Variants in CALCRL observed in about 807,000 individuals in gnomAD.
The protein encoded by CALCRL is calcitonin gene-related peptide type 1 receptor.
Under a neutral mutation model 60.4 loss-of-function variants are expected in CALCRL, and 27 were observed. The observed-to-expected ratio is 0.45, with a 90% CI of 0.33 to 0.62. The LOEUF (loss-of-function observed/expected upper bound fraction) is 0.62. CALCRL is among the 20% of genes least tolerant of loss of function. The pLI, the probability that CALCRL is intolerant of heterozygous loss-of-function variation, is 0.03. For missense variants in CALCRL, 424 were observed against 540.7 expected, an observed-to-expected ratio of 0.78 and a Z score of 2.14; for synonymous variants, 190 against 182.6, an observed-to-expected ratio of 1.04 and a Z score of -0.33.
intron 1 of CALCRL, among the ~76,000 whole-genome samples, chr2:187,400,616 G>A (rs1688848293): frequency 1.3e-5 from 2 of 151,198 alleles, no homozygotes; most frequent in Non-Finnish European, 3.0e-5. Context: ...TTAAAAAATG[G>A]AAACAGCTCA....
intron 8 of CALCRL, among the ~76,000 whole-genome samples, chr2:187,377,325 G>A (rs1050925449): frequency 1.3e-5 from 2 of 152,016 alleles, no homozygotes; most frequent in Non-Finnish European, 2.9e-5. Context: ...TAGATTAGAA[G>A]GGTTTCAAAA....
At chr2:187,377,350 G>A (rs1285935678) in intron 8 of CALCRL, among the ~76,000 whole-genome samples, 1 of 152,046 alleles carries the variant, frequency 6.6e-6, no homozygotes, top group Admixed American at 6.6e-5. Flanking sequence ...AAGTTCACAG[G>A]TTATAAGGAA....
intron 9 of CALCRL, among the ~76,000 whole-genome samples, chr2:187,362,390 T>C (rs185440563): frequency 2.3e-3 from 343 of 152,110 alleles, no homozygotes; most frequent in Non-Finnish European, 3.5e-3. Context: ...GTGGAACATA[T>C]ACAAGATTAA....
chr2:187,360,663 G>A lies in CALCRL; in HGVS notation c.716C>T (p.Thr239Ile). 1 of 1,612,736 alleles carries A rather than the reference G, an allele frequency of 6.2e-7. No individual in the cohort carries two copies. The highest frequency in any genetic ancestry group is 8.5e-7 in the Non-Finnish European group (1 of 1,179,164). The change falls in exon 10 of 15, where the codon ACA becomes ATA. Residue 239 changes from threonine (T) to isoleucine (I), a missense_variant. Physicochemically the swap from Thr to Ile is moderately conservative, Grantham distance 89 (BLOSUM62 -1). Around this residue, in one of 7 missense-constraint regions of CALCRL, gnomAD observed 222 missense variants for 265.6 expected, o/e 0.84. Coordinates refer to ENST00000392370, the MANE Select transcript of CALCRL (RefSeq NM_005795.6). ...TGCAAACACGGCCACCACAATGAGT[G>A]TGTGTAGGTAAATGCCTTCACAGAG... Reference protein sequence around the residue: ...WMLCEGIYLHTLIVVAVFAEK... With the variant: ...WMLCEGIYLHILIVVAVFAEK...
intron 1 of CALCRL, among the ~76,000 whole-genome samples, chr2:187,432,945 T>A (rs369633100): frequency 1.5e-3 from 230 of 152,152 alleles, no homozygotes; most frequent in African/African-American, 5.3e-3. Flanking sequence ...GCAATAAGCT[T>A]CACCATACAG....
chr2:187,353,346 TTAA>T (rs1328263391), intron 12 of CALCRL, among the ~76,000 whole-genome samples: 1 of 151,942 alleles, frequency 6.6e-6, no homozygotes, highest in Non-Finnish European at 1.5e-5. Context: ...TGCCCTTTGT[TTAA>T]TAATCTTAAA....
rs201472047 is a variant in CALCRL, at chr2:187,385,582, C to T, written c.14G>A (p.Cys5Tyr). 6.4e-6 allele frequency: 10 copies of T among 1,563,946 alleles called. No individual in the cohort carries two copies. In the East Asian group the frequency reaches 1.6e-4, roughly 25 times the overall value. MEKK[C>Y]TLYFLVLLPF... ...CAAGAGAACCAGAAAATACAGGGTACACTTTTTCTCCATCATTAAGCCAAA... is the reference window on the plus strand; with the variant it reads ...CAAGAGAACCAGAAAATACAGGGTATACTTTTTCTCCATCATTAAGCCAAA... The change falls in exon 4 of 15, where the codon TGT becomes TAT. Residue 5 changes from cysteine (C) to tyrosine (Y), a missense_variant. Coordinates refer to ENST00000392370, the MANE Select transcript of CALCRL (RefSeq NM_005795.6).
chr2:187,392,474 C>A (rs531221853), intron 1 of CALCRL, among the ~76,000 whole-genome samples: 2 of 152,232 alleles, frequency 1.3e-5, no homozygotes, highest in South Asian at 4.1e-4. Context: ...AAACAAGCTA[C>A]ATATCTCTTG....
rs959184571 is a variant in CALCRL at position 187,376,758 on chromosome 2, C to G, written c.500+2182G>C. On this transcript the variant is annotated intron_variant, in intron 8 of 14. Transcript: ENST00000392370. ...GAATTCTAGAAACCATTGTCCTTCCCTGTAGCCACTGGTTTTGACAGGCAA... is the reference window on the plus strand; with the variant it reads ...GAATTCTAGAAACCATTGTCCTTCCGTGTAGCCACTGGTTTTGACAGGCAA... Among the ~76,000 whole-genome samples, 3 of 152,062 alleles carry G rather than the reference C, an allele frequency of 2.0e-5. No individual in the cohort carries two copies. The South Asian group carries it at 6.2e-4, about 31-fold the overall frequency.
chr2:187,391,250 T>A (rs182200956), intron 1 of CALCRL, among the ~76,000 whole-genome samples: 1 of 152,212 alleles, frequency 6.6e-6, no homozygotes, highest in Admixed American at 6.6e-5. Flanking sequence ...TTTAGCTTTT[T>A]CTAAATATAT....
chr2:187,351,482 G>A (rs13403333), intron 14 of CALCRL, among the ~76,000 whole-genome samples: 16,207 of 151,476 alleles, frequency 0.11, 2,212 homozygotes, highest in African/African-American at 0.32. Flanking sequence ...AAATCCTTTC[G>A]TATTTGCCAT....
rs764946776 is a variant in CALCRL at position 187,380,732 on chromosome 2, T to C, written c.240A>G (p.Ala80=). Residue 80 remains alanine (A), a synonymous_variant, in exon 6 of 15, where the codon GCA becomes GCG. Coordinates refer to ENST00000392370, the MANE Select transcript of CALCRL (RefSeq NM_005795.6). ...DGWLCWNDVA[A]GTESMQLCPD... The stretch of plus-strand genomic sequence containing the variant: ...GGCAGAGCTGCATTGATTCAGTTCC[T>C]GCTGCAACATCGTTCCAGCAGAGCC... The C allele has an allele frequency of 2.5e-6, 4 of 1,614,150 alleles. No individual in the cohort carries two copies. The South Asian group carries it at 4.4e-5, about 18-fold the overall frequency.
chr2:187,403,299 A>G (rs891672587), intron 1 of CALCRL, among the ~76,000 whole-genome samples: 15 of 151,858 alleles, frequency 9.9e-5, no homozygotes, highest in African/African-American at 3.4e-4. Flanking sequence ...GTGGGTTCCA[A>G]TCACTACTAT....
At chr2:187,362,035 T>G (rs1687077171) in intron 9 of CALCRL, among the ~76,000 whole-genome samples, 1 of 151,940 alleles carries the variant, frequency 6.6e-6, no homozygotes, top group Non-Finnish European at 1.5e-5. Context: ...TAAAGAGTTT[T>G]TAAGTATTTA....
rs548596247 is a variant in CALCRL, at chr2:187,414,028, A to G, written c.-292-26272T>C. Among the ~76,000 whole-genome samples the G allele has an allele frequency of 3.9e-5, 6 of 152,270 alleles. 1 individual carries two copies. The highest frequency in any genetic ancestry group is 1.4e-4 in the African/African-American group (6 of 41,564). ...ATCCTATATGTGACTATTACTTGAC[A>G]TATTGGAATGAGGAGAACTCAGAAC... is the stretch of plus-strand genomic sequence containing the variant. On this transcript the variant is annotated intron_variant, in intron 1 of 14. Coordinates refer to ENST00000392370, the MANE Select transcript of CALCRL (RefSeq NM_005795.6).
intron 1 of CALCRL, chr2:187,428,931 T>C (rs1690276517): frequency 6.6e-6 from 1 of 151,836 alleles, no homozygotes; most frequent in Non-Finnish European, 1.5e-5. Flanking sequence ...ATAACTTTTC[T>C]GGAGTATTTT....
intron 1 of CALCRL, among the ~76,000 whole-genome samples, chr2:187,393,454 G>T (rs983778710): frequency 5.3e-5 from 8 of 151,950 alleles, no homozygotes; most frequent in Admixed American, 5.3e-4. Flanking sequence ...GTGTTCCCAG[G>T]CATTATTAAT....
rs1224562982 is a variant in CALCRL, at chr2:187,357,949, AAC to A, written c.909+1112_909+1113del. Among the ~76,000 whole-genome samples, 45 of 152,184 alleles carry A rather than the reference AAC, an allele frequency of 3.0e-4. No individual in the cohort carries two copies. In the South Asian group the frequency reaches 8.1e-3, roughly 27 times the overall value. On this transcript the variant is annotated intron_variant, in intron 12 of 14. Transcript: ENST00000392370. The stretch of plus-strand genomic sequence containing the variant: ...GAACTTAAAGTATAACAACAACAAC[AAC>A]AAAATGAATAGCAGCTGTAACTAAA...
At chr2:187,368,019 CTA>C (rs1687370205) in intron 8 of CALCRL, among the ~76,000 whole-genome samples, 2 of 151,976 alleles carry the variant, frequency 1.3e-5, no homozygotes, top group South Asian at 2.1e-4. Context: ...CGTCAAGTCA[CTA>C]TGTGTAGTTC....
Sources: allele counts gnomAD v4.1 joint callset (sites outside exome capture counted in the v4.1 genomes callset), GRCh38; gene constraint gnomAD v4.1.1; regional missense constraint gnomAD v4.1.1; transcripts MANE v1.5; gene names NCBI Gene and HGNC (gene_info 2026-07-23, HGNC 2026-07-21).